The following CHST9 variants were observed in gnomAD, a reference collection of about 807,000 sequenced individuals.
CHST9 encodes GalNAc-4-sulfotransferase 2.
In CHST9, 41 loss-of-function variants were observed where a neutral mutation model predicts 44.4. That is an observed-to-expected ratio of 0.92 (90% confidence interval 0.72 to 1.20). The LOEUF (loss-of-function observed/expected upper bound fraction) is 1.20. Ranked by LOEUF, CHST9 falls within the 50% of genes most tolerant of loss-of-function variation. The pLI, the probability that CHST9 is intolerant of heterozygous loss-of-function variation, is 0.00. For synonymous variants in CHST9, 171 were observed against 178.4 expected, an observed-to-expected ratio of 0.96 and a Z score of 0.33; for missense variants, 504 against 516.5, an observed-to-expected ratio of 0.98 and a Z score of 0.23.
intron 2 of CHST9, among the ~76,000 whole-genome samples, chr18:27,129,645 G>A (rs971919161): frequency 3.3e-5 from 5 of 152,090 alleles, no homozygotes; most frequent in Middle Eastern, 3.4e-3. Flanking sequence ...CATCAGCCTC[G>A]GCCTCCCAAA....
chr18:26,994,679 T>G (rs1354679471), intron 4 of CHST9, among the ~76,000 whole-genome samples: 1 of 152,140 alleles, frequency 6.6e-6, no homozygotes, highest in Non-Finnish European at 1.5e-5. Context: ...AACCTCTGCC[T>G]CCTGGGTTCA....
intron 4 of CHST9, among the ~76,000 whole-genome samples, chr18:26,979,751 T>C (rs1486294758): frequency 6.6e-6 from 1 of 152,210 alleles, no homozygotes; most frequent in African/African-American, 2.4e-5. Context: ...AAGAAATATT[T>C]GTGGAATAGA....
At chr18:26,965,186 C>T (rs1294485605) in intron 4 of CHST9, among the ~76,000 whole-genome samples, 4 of 152,156 alleles carry the variant, frequency 2.6e-5, no homozygotes, top group African/African-American at 9.7e-5. Flanking sequence ...GATTATGAGA[C>T]TCATGTGAGT....
intron 1 of CHST9, among the ~76,000 whole-genome samples, chr18:27,156,448 T>C (rs2058699331): frequency 6.6e-6 from 1 of 152,186 alleles, no homozygotes; most frequent in Non-Finnish European, 1.5e-5. Context: ...GAGTTTTTCA[T>C]GTCAATTAAA....
At chr18:26,917,884 T>TC (rs1280494534) in intron 5 of CHST9, among the ~76,000 whole-genome samples, 7 of 152,026 alleles carry the variant, frequency 4.6e-5, no homozygotes, top group African/African-American at 1.7e-4. Context: ...TATTTTTTTT[T>TC]TCCTGGGAAA....
chr18:27,132,773 G>C (rs1175732125), intron 2 of CHST9, among the ~76,000 whole-genome samples: 1 of 152,200 alleles, frequency 6.6e-6, no homozygotes, highest in Non-Finnish European at 1.5e-5. Flanking sequence ...TAGGAAAGAA[G>C]ATTAAGAAAG....
chr18:27,067,385 G>A (rs2143635805), intron 2 of CHST9, among the ~76,000 whole-genome samples: 1 of 151,280 alleles, frequency 6.6e-6, no homozygotes, highest in East Asian at 1.9e-4. Context: ...TTTGTGGCAG[G>A]AACAACACAC....
chr18:27,055,398 G>T (rs2057643205), intron 2 of CHST9, among the ~76,000 whole-genome samples: 1 of 152,152 alleles, frequency 6.6e-6, no homozygotes, highest in South Asian at 2.1e-4. Flanking sequence ...ACTAGAAAAA[G>T]TGGAAGGTGG....
chr18:26,983,818 T>C (rs1216586148), intron 4 of CHST9, among the ~76,000 whole-genome samples: 1 of 152,200 alleles, frequency 6.6e-6, no homozygotes, highest in Non-Finnish European at 1.5e-5. Context: ...CTAAGTTTTA[T>C]ATATAAAAGT....
chr18:27,009,817 C>G (rs545168866), intron 4 of CHST9, among the ~76,000 whole-genome samples: 8 of 152,328 alleles, frequency 5.3e-5, no homozygotes, highest in Admixed American at 5.2e-4. Flanking sequence ...AAGCCTTCCT[C>G]TCATCCACTT....
At chr18:26,962,252 G>C (rs966624694) in intron 4 of CHST9, among the ~76,000 whole-genome samples, 10 of 151,346 alleles carry the variant, frequency 6.6e-5, no homozygotes, top group African/African-American at 2.2e-4. Flanking sequence ...TATCTTCCGT[G>C]GTCTGCTGCT....
At chr18:27,138,128 C>G (rs1598749802) in intron 2 of CHST9, among the ~76,000 whole-genome samples, 1 of 152,284 alleles carries the variant, frequency 6.6e-6, no homozygotes, top group East Asian at 1.9e-4. Context: ...GGGCCTGTCT[C>G]TTTTCTGTCA....
intron 2 of CHST9, among the ~76,000 whole-genome samples, chr18:27,053,262 G>GAAGAGGAAGA (rs772678534): frequency 6.6e-5 from 3 of 45,772 alleles, no homozygotes; most frequent in Admixed American, 2.6e-4. Flanking sequence ...GAAGAAGAAG[G>GAAGAGGAAGA]AGAAGGAGAA....
chr18:27,003,517 C>A (rs2056977225), intron 4 of CHST9, among the ~76,000 whole-genome samples: 1 of 152,106 alleles, frequency 6.6e-6, no homozygotes, highest in Non-Finnish European at 1.5e-5. Flanking sequence ...AGGGTAATTT[C>A]CGCAGATAGG....
At chr18:27,087,795 C>A (rs1224514336) in intron 2 of CHST9, among the ~76,000 whole-genome samples, 1 of 152,198 alleles carries the variant, frequency 6.6e-6, no homozygotes, top group Non-Finnish European at 1.5e-5. Context: ...ATACAACAGT[C>A]CCCTAGCGAA....
chr18:27,062,032 C>T (rs1181482975), intron 2 of CHST9, among the ~76,000 whole-genome samples: 2 of 152,094 alleles, frequency 1.3e-5, no homozygotes, highest in African/African-American at 4.8e-5. Flanking sequence ...GCGTTAAGTC[C>T]ACAAATACCC....
chr18:27,046,941 T>C (rs1050939528), intron 3 of CHST9, among the ~76,000 whole-genome samples: 1 of 152,112 alleles, frequency 6.6e-6, no homozygotes, highest in African/African-American at 2.4e-5. Context: ...CTGTGTTCCC[T>C]ATCAAAGATG....
chr18:27,148,002 C>T (rs1299058499), intron 1 of CHST9, among the ~76,000 whole-genome samples: 1 of 151,996 alleles, frequency 6.6e-6, no homozygotes. Flanking sequence ...TTTCCTGACC[C>T]TCTCCATCCT....
chr18:27,106,426 C>T (rs1233947673), intron 2 of CHST9, among the ~76,000 whole-genome samples: 1 of 152,248 alleles, frequency 6.6e-6, no homozygotes, highest in South Asian at 2.1e-4. Flanking sequence ...TGGATAAATT[C>T]GCCTACTAGC....
Sources: allele counts gnomAD v4.1 joint callset (sites outside exome capture counted in the v4.1 genomes callset), GRCh38; gene constraint gnomAD v4.1.1; transcripts MANE v1.5; gene names NCBI Gene and HGNC (gene_info 2026-07-23, HGNC 2026-07-21).